The following TENM3 variants were observed in gnomAD, a reference collection of about 807,000 sequenced individuals.
TENM3 encodes teneurin transmembrane protein 3.
Under a neutral mutation model 255.1 loss-of-function variants are expected in TENM3, and 63 were observed. The ratio of observed to expected loss-of-function variants is 0.25; its 90% confidence interval spans 0.20 to 0.30. The LOEUF is 0.30. Among genes scored for constraint, TENM3 ranks in the 10% least tolerant of loss-of-function variants. TENM3 has a pLI of 1.00. For synonymous variants in TENM3, 1,306 were observed against 1,322.3 expected (o/e 0.99, Z 0.27); for missense variants, 2,929 against 3,461.1 (o/e 0.85, Z 3.86).
chr4:182,077,547 C>G, the TENM3 span, among the ~76,000 whole-genome samples: 3 of 152,076 alleles, frequency 2.0e-5, no homozygotes, highest in Admixed American at 6.6e-5. Flanking sequence ...ACAAAGAAAG[C>G]AAACAAATAC....
the TENM3 span, among the ~76,000 whole-genome samples, chr4:181,746,367 G>A: frequency 6.6e-6 from 1 of 152,060 alleles, no homozygotes; most frequent in Admixed American, 6.6e-5. Flanking sequence ...CCAGGATTTT[G>A]TCAGGAGTAA....
At chr4:181,612,210 G>A in the TENM3 span, among the ~76,000 whole-genome samples, 11 of 152,070 alleles carry the variant, frequency 7.2e-5, no homozygotes, top group African/African-American at 1.9e-4. Flanking sequence ...CCCAACACAC[G>A]AAAGCTCTAT....
At chr4:181,864,888 G>A in the TENM3 span, among the ~76,000 whole-genome samples, 4 of 152,124 alleles carry the variant, frequency 2.6e-5, no homozygotes, top group East Asian at 1.9e-4. Context: ...TTAGCAAACC[G>A]CGTCTTTCAT....
At chr4:182,361,548 C>A (rs534158855) in intron 3 of TENM3, among the ~76,000 whole-genome samples, 1 of 152,082 alleles carries the variant, frequency 6.6e-6, no homozygotes, top group African/African-American at 2.4e-5. Flanking sequence ...ACGTAGTTCT[C>A]GAGCCTTGGC....
At chr4:181,517,947 G>T in the TENM3 span, among the ~76,000 whole-genome samples, 4 of 152,240 alleles carry the variant, frequency 2.6e-5, no homozygotes, top group Admixed American at 2.6e-4. Flanking sequence ...CTCATTCAAA[G>T]CTATCCACCA....
At chr4:182,198,237 G>C (rs938406771) in intron 1 of TENM3, among the ~76,000 whole-genome samples, 3 of 152,208 alleles carry the variant, frequency 2.0e-5, no homozygotes, top group Non-Finnish European at 4.4e-5. Flanking sequence ...GCAGATTAGA[G>C]GTTCATTTGC....
intron 1 of TENM3, among the ~76,000 whole-genome samples, chr4:182,161,602 T>TATATATATATGTATATATATATACAA (rs1561152335): frequency 2.9e-4 from 33 of 113,222 alleles, no homozygotes; most frequent in African/African-American, 1.1e-3. Context: ...TATATATACA[T>TATATATATATGTATATATATATACAA]ATATATATAT....
chr4:181,807,955 T>C, the TENM3 span, among the ~76,000 whole-genome samples: 1 of 152,294 alleles, frequency 6.6e-6, no homozygotes, highest in East Asian at 1.9e-4. Context: ...GCTAACAAGA[T>C]ACAAAGGGCA....
intron 1 of TENM3, among the ~76,000 whole-genome samples, chr4:182,280,436 G>A (rs1006586460): frequency 1.3e-5 from 2 of 152,184 alleles, no homozygotes; most frequent in Non-Finnish European, 2.9e-5. Context: ...CTTGAATAAG[G>A]AGGAAAGAGG....
chr4:181,824,022 CACTT>C, the TENM3 span, among the ~76,000 whole-genome samples: 71 of 152,256 alleles, frequency 4.7e-4, no homozygotes, highest in African/African-American at 1.5e-3. Flanking sequence ...TATATGAAGA[CACTT>C]ACAGTTCCTG....
At chr4:181,613,750 T>C in the TENM3 span, among the ~76,000 whole-genome samples, 2,684 of 152,316 alleles carry the variant, frequency 0.018, 39 homozygotes, top group Non-Finnish European at 0.025. Flanking sequence ...AAATTGTGAT[T>C]GGGGGGCCCC....
At chr4:182,450,816 C>T (rs1773396091) in intron 3 of TENM3, among the ~76,000 whole-genome samples, 1 of 152,162 alleles carries the variant, frequency 6.6e-6, no homozygotes, top group African/African-American at 2.4e-5. Context: ...AGAGCGTTAC[C>T]TTCCTTCTTC....
Position 182,754,327 on chromosome 4 carries a change from T to G in TENM3, c.4018-58T>G. 5 of 1,468,930 alleles carry G rather than the reference T, an allele frequency of 3.4e-6. No homozygotes were observed. Among genetic ancestry groups the G allele is most frequent in the Non-Finnish European group, 4.5e-6 (5 of 1,100,602 alleles). The allele number at this position is 1,468,930 out of a possible 1,614,324, so 91.0% of individuals were successfully genotyped here. On this transcript the variant is annotated intron_variant, in intron 21 of 27. Coordinates refer to ENST00000511685, the MANE Select transcript of TENM3 (RefSeq NM_001080477.4). This position sits in a 1 kb window ranked among gnomAD's most constrained non-coding sequence, Gnocchi z 5.1. ...CCCTGAATGGTCTAATTTACTCTTCTGGCGAATTAACTGTAGTGCAGTAAC... is the reference window on the plus strand; with the variant it reads ...CCCTGAATGGTCTAATTTACTCTTCGGGCGAATTAACTGTAGTGCAGTAAC...
chr4:182,365,599 A>G (rs1326872809), intron 3 of TENM3, among the ~76,000 whole-genome samples: 1 of 152,204 alleles, frequency 6.6e-6, no homozygotes, highest in Non-Finnish European at 1.5e-5. Flanking sequence ...TCATTTCCAC[A>G]AAGTTTCTGT....
At chr4:181,804,360 G>A in the TENM3 span, among the ~76,000 whole-genome samples, 106,453 of 152,070 alleles carry the variant, frequency 0.7, 38,592 homozygotes, top group South Asian at 0.81. Flanking sequence ...TAACTTTAGT[G>A]GATGTTTGCA....
chr4:182,418,639 C>T (rs1770560846), intron 3 of TENM3, among the ~76,000 whole-genome samples: 2 of 152,208 alleles, frequency 1.3e-5, no homozygotes, highest in African/African-American at 4.8e-5. Context: ...CAGCTCAAGG[C>T]AGCCTCGACC....
the TENM3 span, among the ~76,000 whole-genome samples, chr4:181,913,412 CGGAT>C: frequency 6.6e-6 from 1 of 152,104 alleles, no homozygotes; most frequent in Non-Finnish European, 1.5e-5. Flanking sequence ...TTGCATCTTG[CGGAT>C]GGAGCAATGG....
intron 1 of TENM3, among the ~76,000 whole-genome samples, chr4:182,181,553 A>G (rs931082583): frequency 6.6e-6 from 1 of 152,248 alleles, no homozygotes; most frequent in African/African-American, 2.4e-5. Context: ...AAGTAGCAGA[A>G]TGTAATATTC....
the TENM3 span, among the ~76,000 whole-genome samples, chr4:181,518,639 G>A: frequency 6.6e-6 from 1 of 152,164 alleles, no homozygotes; most frequent in Non-Finnish European, 1.5e-5. Flanking sequence ...ATATTGGCCA[G>A]GCTGGTCTCG....
Sources: allele counts gnomAD v4.1 joint callset (sites outside exome capture counted in the v4.1 genomes callset), GRCh38; gene constraint gnomAD v4.1.1; non-coding constraint Gnocchi (gnomAD v3.1); transcripts MANE v1.5; gene names NCBI Gene and HGNC (gene_info 2026-07-23, HGNC 2026-07-21).